TEX9: variants seen among roughly 807,000 people sequenced by gnomAD.
TEX9 encodes the protein testis-expressed protein 9.
TEX9 carries 74 observed loss-of-function variants against 59.6 expected under a neutral mutation model. The observed-to-expected ratio is 1.24, with a 90% CI of 1.03 to 1.51. The LOEUF (loss-of-function observed/expected upper bound fraction) is 1.51. Among genes scored for constraint, TEX9 ranks in the 40% most tolerant of loss-of-function variants. The pLI, the probability that TEX9 is intolerant of heterozygous loss-of-function variation, is 0.00. For missense variants in TEX9, 522 were observed against 447.8 expected, an observed-to-expected ratio of 1.17 and a Z score of -1.49; for synonymous variants, 186 against 152.2, an observed-to-expected ratio of 1.22 and a Z score of -1.64.
intron 10 of TEX9, among the ~76,000 whole-genome samples, chr15:56,417,631 G>A (rs2049762658): frequency 6.6e-6 from 1 of 151,894 alleles, no homozygotes; most frequent in South Asian, 2.1e-4. Context: ...TTTAGAGTAT[G>A]TGCCATATGG....
At chr15:56,394,036 C>T in intron 7 of TEX9, 129 bp from the exon 8 acceptor site, 1 of 739,104 alleles carries the variant, frequency 1.4e-6, no homozygotes, top group Non-Finnish European at 2.2e-6. Context: ...ATAGTGCCCC[C>T]TAACAGATAT....
chr15:56,381,674 C>T lies in TEX9; in HGVS notation c.184-2278C>T, dbSNP rs117329531. The stretch of plus-strand genomic sequence containing the variant: ...TTCTCTGGGTTACCAGACAGAGACT[C>T]GTTCTCTTCCTTTATTTTCTCCCAA... On this transcript the variant is annotated intron_variant, in intron 3 of 12. Coordinates refer to ENST00000352903, the Ensembl canonical transcript of TEX9. 5.1e-3 allele frequency among the ~76,000 whole-genome samples: 775 copies of T among 152,282 alleles called. 8 individuals carry two copies. The highest frequency in any genetic ancestry group is 0.038 in the East Asian group (198 of 5,178).
intron 9 of TEX9, among the ~76,000 whole-genome samples, chr15:56,404,228 C>A (rs879581622): frequency 6.6e-6 from 1 of 152,136 alleles, no homozygotes; most frequent in Non-Finnish European, 1.5e-5. Flanking sequence ...TTTTTGCAAT[C>A]CACCCATCTG....
chr15:56,253,905 T>A (rs1394355815), intron 1 of TEX9, among the ~76,000 whole-genome samples: 1 of 152,006 alleles, frequency 6.6e-6, no homozygotes, highest in Non-Finnish European at 1.5e-5. Flanking sequence ...CCTCAGAGAA[T>A]TGTTGGAATA....
chr15:56,352,339 G>A (rs1385622758), intron 1 of TEX9, among the ~76,000 whole-genome samples: 1 of 152,146 alleles, frequency 6.6e-6, no homozygotes, highest in African/African-American at 2.4e-5. Flanking sequence ...CCGCCTCCCG[G>A]GTTCAAGCAA....
intron 4 of TEX9, among the ~76,000 whole-genome samples, chr15:56,386,808 A>G (rs2047981923): frequency 1.3e-5 from 2 of 151,902 alleles, no homozygotes; most frequent in African/African-American, 2.4e-5. Flanking sequence ...CTGTTTACCT[A>G]TCAGTTTTTT....
chr15:56,332,742 T>C (rs979795584), intron 1 of TEX9, among the ~76,000 whole-genome samples: 3 of 150,234 alleles, frequency 2.0e-5, no homozygotes, highest in Non-Finnish European at 3.0e-5. Context: ...AAAAAATTGG[T>C]TTTTGAAAAG....
chr15:56,444,898 C>T (rs1410464276), intron 12 of TEX9, among the ~76,000 whole-genome samples: 2 of 152,018 alleles, frequency 1.3e-5, no homozygotes, highest in African/African-American at 2.4e-5. Context: ...TCTCTCAGGA[C>T]AATACCTGAT....
Position 56,420,319 on chromosome 15 carries a change from T to TG in TEX9, c.964-7286_964-7285insG, listed in dbSNP as rs1342616910. The stretch of plus-strand genomic sequence containing the variant: ...CTTTTTCTCTTTTCTCTTTTTTTTT[T>TG]CTCCCCTAGACAGAGTCTTGCTCTG... On this transcript the variant is annotated intron_variant, in intron 10 of 12. Coordinates refer to ENST00000352903, the Ensembl canonical transcript of TEX9. Among the ~76,000 whole-genome samples the TG allele has an allele frequency of 1.3e-5, 2 of 151,108 alleles. 1 individual carries two copies. Among genetic ancestry groups the TG allele is most frequent in the African/African-American group, 4.9e-5 (2 of 40,882 alleles).
chr15:56,437,994 T>C (rs1340345955), intron 12 of TEX9, among the ~76,000 whole-genome samples: 1 of 152,208 alleles, frequency 6.6e-6, no homozygotes, highest in Non-Finnish European at 1.5e-5. Flanking sequence ...GAACATTCCA[T>C]GCTCATGGAT....
intron 1 of TEX9, among the ~76,000 whole-genome samples, chr15:56,248,165 T>C (rs976796109): frequency 9.2e-5 from 14 of 151,638 alleles, no homozygotes; most frequent in African/African-American, 3.4e-4. Context: ...TGGGAGGGAG[T>C]GAAGAGGAGA....
At chr15:56,350,540 C>G (rs2046557374) in intron 1 of TEX9, among the ~76,000 whole-genome samples, 1 of 152,156 alleles carries the variant, frequency 6.6e-6, no homozygotes, top group East Asian at 1.9e-4. Context: ...GGTTCTCATG[C>G]CTTTCACACC....
At chr15:56,290,268 C>T (rs796549924) in intron 1 of TEX9, among the ~76,000 whole-genome samples, 15 of 152,084 alleles carry the variant, frequency 9.9e-5, no homozygotes, top group Admixed American at 3.3e-4. Flanking sequence ...CTCTCAGGTT[C>T]CTCTGTGTAA....
intron 1 of TEX9, among the ~76,000 whole-genome samples, chr15:56,292,692 C>A (rs2045123633): frequency 6.6e-6 from 1 of 152,118 alleles, no homozygotes; most frequent in African/African-American, 2.4e-5. Flanking sequence ...TGGAAAAATG[C>A]CTTGGGCCAC....
At chr15:56,398,637 A>T (rs1950869074) in intron 9 of TEX9, among the ~76,000 whole-genome samples, 1 of 152,078 alleles carries the variant, frequency 6.6e-6, no homozygotes, top group Non-Finnish European at 1.5e-5. Flanking sequence ...AATGTTTTTC[A>T]TTCATCCCTT....
At chr15:56,249,442 A>G (rs1242275557) in intron 1 of TEX9, among the ~76,000 whole-genome samples, 65 of 132,428 alleles carry the variant, frequency 4.9e-4, no homozygotes, top group Non-Finnish European at 6.4e-5. Flanking sequence ...ACATCTGGGG[A>G]GAGAGAGAGA....
intron 12 of TEX9, among the ~76,000 whole-genome samples, chr15:56,441,720 TA>T (rs2050817044): frequency 6.6e-6 from 1 of 151,964 alleles, no homozygotes; most frequent in Admixed American, 6.6e-5. Flanking sequence ...CAACCCTATT[TA>T]AAAAATAGAC....
intron 12 of TEX9, among the ~76,000 whole-genome samples, chr15:56,441,529 C>T (rs2050814040): frequency 6.6e-6 from 1 of 151,962 alleles, no homozygotes; most frequent in Non-Finnish European, 1.5e-5. Flanking sequence ...ACTCAAAAAG[C>T]AATTGTAACA....
At chr15:56,407,757 C>A (rs1220892261) in intron 9 of TEX9, among the ~76,000 whole-genome samples, 1 of 152,148 alleles carries the variant, frequency 6.6e-6, no homozygotes, top group Non-Finnish European at 1.5e-5. Flanking sequence ...CCCTTCCAAC[C>A]TCCTTATTCT....
Sources: allele counts gnomAD v4.1 joint callset (sites outside exome capture counted in the v4.1 genomes callset), GRCh38; gene constraint gnomAD v4.1.1; transcripts MANE v1.5; gene names NCBI Gene and HGNC (gene_info 2026-07-23, HGNC 2026-07-21).